GPHN: variants seen among roughly 807,000 people sequenced by gnomAD.
GPHN encodes the protein gephyrin.
GPHN carries 17 observed loss-of-function variants against 95.5 expected under a neutral mutation model. That is an observed-to-expected ratio of 0.18 (90% CI 0.12 to 0.27). The LOEUF is 0.27. Among genes scored for constraint, GPHN ranks in the 10% least tolerant of loss-of-function variants. GPHN has a pLI of 1.00. For synonymous variants in GPHN, 320 were observed against 322.5 expected (o/e 0.99, Z 0.08); for missense variants, 660 against 978.1 (o/e 0.67, Z 4.34).
At chr14:66,749,834 GT>G (rs531375969) in intron 2 of GPHN, among the ~76,000 whole-genome samples, 40 of 147,502 alleles carry the variant, frequency 2.7e-4, no homozygotes, top group East Asian at 7.8e-4. Context: ...ACAAAGCAGG[GT>G]TTTTTTTTTA....
chr14:66,553,007 T>C (rs762302689), intron 1 of GPHN, among the ~76,000 whole-genome samples: 4 of 151,880 alleles, frequency 2.6e-5, no homozygotes, highest in Non-Finnish European at 5.9e-5. Flanking sequence ...TTTCTTTTTT[T>C]AGACAAGAGT....
chr14:67,393,354 C>T, the GPHN span: 1 of 770,130 alleles, frequency 1.3e-6, no homozygotes, highest in Non-Finnish European at 2.4e-6. Context: ...GTGTGACACA[C>T]ATCACAAAGA....
At chr14:66,713,341 T>A (rs2069850429) in intron 2 of GPHN, among the ~76,000 whole-genome samples, 1 of 152,200 alleles carries the variant, frequency 6.6e-6, no homozygotes, top group Non-Finnish European at 1.5e-5. Context: ...CCAGTTTCAT[T>A]CTCTTACATG....
chr14:66,721,707 T>C (rs530908153), intron 2 of GPHN, among the ~76,000 whole-genome samples: 1 of 152,164 alleles, frequency 6.6e-6, no homozygotes, highest in South Asian at 2.1e-4. Flanking sequence ...TCTCAACACT[T>C]TGGAAGGCCG....
chr14:66,566,318 A>C (rs2060461181), intron 1 of GPHN, among the ~76,000 whole-genome samples: 1 of 152,184 alleles, frequency 6.6e-6, no homozygotes, highest in South Asian at 2.1e-4. Flanking sequence ...CCCTAATTGA[A>C]TAGATGTTTC....
At chr14:67,469,510 T>C in the GPHN span, among the ~76,000 whole-genome samples, 1 of 130,044 alleles carries the variant, frequency 7.7e-6, no homozygotes, top group African/African-American at 2.8e-5. Context: ...GGTCTCAAAC[T>C]CCTGGGCTCA....
intron 9 of GPHN, 21 bp downstream of exon 9, chr14:66,965,346 T>A: frequency 1.2e-6 from 2 of 1,607,968 alleles, no homozygotes; most frequent in Non-Finnish European, 1.7e-6. Flanking sequence ...TTCCTTCGCA[T>A]CTTACACCTG....
At chr14:66,785,150 C>A (rs900198665) in intron 3 of GPHN, among the ~76,000 whole-genome samples, 2 of 152,136 alleles carry the variant, frequency 1.3e-5, no homozygotes, top group African/African-American at 4.8e-5. Flanking sequence ...GGTGGATCAC[C>A]TGAGGTCGGG....
chr14:67,063,873 G>T (rs1013818484), intron 11 of GPHN, among the ~76,000 whole-genome samples: 3 of 152,168 alleles, frequency 2.0e-5, no homozygotes, highest in African/African-American at 7.2e-5. Flanking sequence ...CATGTCATCT[G>T]CAAACAGAGA....
the GPHN span, among the ~76,000 whole-genome samples, chr14:67,463,039 C>A: frequency 6.6e-6 from 1 of 152,204 alleles, no homozygotes; most frequent in Non-Finnish European, 1.5e-5. Context: ...CCCTCAGTCC[C>A]AAGCAAACCA....
chr14:67,518,089 A>G, the GPHN span, among the ~76,000 whole-genome samples: 5 of 152,202 alleles, frequency 3.3e-5, no homozygotes, highest in Admixed American at 3.3e-4. Context: ...AGGCACAGTA[A>G]TCATGGTTCT....
intron 10 of GPHN, among the ~76,000 whole-genome samples, chr14:67,044,018 G>A: frequency 6.6e-6 from 1 of 152,116 alleles, no homozygotes; most frequent in Non-Finnish European, 1.5e-5. Flanking sequence ...GTGTGGAGGT[G>A]TTTATACTAT....
At chr14:67,643,522 G>A in the GPHN span, among the ~76,000 whole-genome samples, 1 of 152,196 alleles carries the variant, frequency 6.6e-6, no homozygotes, top group Non-Finnish European at 1.5e-5. Context: ...TGTAGGGACA[G>A]ATATATAAGA....
chr14:67,147,096 C>A (rs939019072), intron 18 of GPHN, among the ~76,000 whole-genome samples: 1 of 152,040 alleles, frequency 6.6e-6, no homozygotes. Context: ...AAAAAATTTT[C>A]TTTAATATTT....
At chr14:67,618,771 C>G in the GPHN span, among the ~76,000 whole-genome samples, 11 of 152,142 alleles carry the variant, frequency 7.2e-5, no homozygotes, top group African/African-American at 2.7e-4. Flanking sequence ...GGTTATTTTG[C>G]TAAGGCCTCA....
At chr14:67,152,162 A>G in intron 18 of GPHN, among the ~76,000 whole-genome samples, 1 of 152,202 alleles carries the variant, frequency 6.6e-6, no homozygotes, top group East Asian at 1.9e-4. Flanking sequence ...ATAAGTGTTC[A>G]TAGTATGTAT....
At chr14:67,271,659 T>C in the GPHN span, 1 of 152,232 alleles carries the variant, frequency 6.6e-6, no homozygotes, top group East Asian at 1.9e-4. Flanking sequence ...ACTGGATGGA[T>C]GTAGTGACAT....
the GPHN span, among the ~76,000 whole-genome samples, chr14:67,266,903 A>G: frequency 1.3e-5 from 2 of 151,958 alleles, no homozygotes; most frequent in Non-Finnish European, 2.9e-5. Context: ...TGAGCCTAGG[A>G]GTTCGACACC....
the GPHN span, chr14:67,574,236 C>T: frequency 1.9e-6 from 3 of 1,592,988 alleles, no homozygotes; most frequent in Non-Finnish European, 2.6e-6. This position sits in a 1 kb window ranked among gnomAD's most constrained non-coding sequence, Gnocchi z 4.2. Flanking sequence ...ATCTCGCCCT[C>T]CACAGCTCAT....
Sources: gnomAD v4.1 joint callset for allele counts (sites outside exome capture counted in the v4.1 genomes callset) on GRCh38, gnomAD v4.1.1 for gene constraint, Gnocchi (gnomAD v3.1) non-coding constraint, MANE v1.5 for transcripts, NCBI Gene and HGNC (gene_info 2026-07-23, HGNC 2026-07-21) for gene names.